Variants in HEATR4 observed in about 807,000 individuals in gnomAD.
HEATR4 encodes the protein HEAT repeat containing 4.
A neutral mutation model predicts 108.8 loss-of-function variants in HEATR4; 95 were observed. That is an observed-to-expected ratio of 0.87 (90% confidence interval 0.74 to 1.04). The LOEUF (loss-of-function observed/expected upper bound fraction) is 1.04, where lower values mean the gene tolerates loss of function less well. Ranked by LOEUF, HEATR4 falls within the 50% of genes least tolerant of loss-of-function variation. The pLI, the probability that HEATR4 is intolerant of heterozygous loss-of-function variation, is 0.00. For missense variants in HEATR4, 1,152 were observed against 1,253.8 expected (o/e 0.92, Z 1.23); for synonymous variants, 443 against 459.4 (o/e 0.96, Z 0.46).
chr14:73,544,251 A>C (rs1185432936), intron 1 of HEATR4, among the ~76,000 whole-genome samples: 1 of 114,932 alleles, frequency 8.7e-6, no homozygotes, highest in Non-Finnish European at 1.9e-5. Flanking sequence ...CTGAGATTGC[A>C]CTACTGCCCT....
In HEATR4 at chr14:73,493,528, T is replaced by TA. The variant is rs1174514203; in HGVS notation, c.2786-405dup. On this transcript the variant is annotated intron_variant, in intron 16 of 17. Transcript: ENST00000553558. ...GTTGTAGCATGTAAAAGGAGCATGT[T>TA]AATCAACCTCTTAAGGAAGAGACTC... 1.6e-5 allele frequency: 3 copies of TA among 193,152 alleles called. No homozygotes were observed. In the East Asian group the frequency reaches 4.6e-4, roughly 30 times the overall value. The allele number at this position is 193,152 out of a possible 1,614,324, so 12.0% of individuals were successfully genotyped here.
chr14:73,602,040 A>C, the HEATR4 span, among the ~76,000 whole-genome samples: 71 of 151,964 alleles, frequency 4.7e-4, no homozygotes, highest in Non-Finnish European at 3.2e-4. Flanking sequence ...TCCTGAGTTC[A>C]AGCGATTCTC....
the HEATR4 span, chr14:73,617,234 G>C: frequency 6.2e-7 from 1 of 1,613,828 alleles, no homozygotes; most frequent in Non-Finnish European, 8.5e-7. Context: ...AGAGGGGATA[G>C]AGCTGATGCA....
rs1885833457 is a variant in HEATR4, at chr14:73,492,435, G to A, written c.2844+631C>T. ...CAGCATTCAGATTCTAAGGATCCGC[G>A]AAGAACCGCTTTCATGGAGAAGGTG... On this transcript the variant is annotated intron_variant, in intron 17 of 17. Coordinates refer to ENST00000553558, the MANE Select transcript of HEATR4 (RefSeq NM_001220484.1). This position sits in a 1 kb window ranked among gnomAD's most constrained non-coding sequence, Gnocchi z 4.9. 3 of 1,613,738 alleles carry A rather than the reference G, an allele frequency of 1.9e-6. No individual in the cohort carries two copies. The highest frequency in any genetic ancestry group is 2.5e-6 in the Non-Finnish European group (3 of 1,179,762).
the HEATR4 span, chr14:73,575,487 G>C: frequency 6.6e-7 from 1 of 1,507,298 alleles, no homozygotes; most frequent in Non-Finnish European, 8.8e-7. Flanking sequence ...GGGTGGCCAC[G>C]AGGGGACAAT....
At chr14:73,482,404 C>T (rs1423091616) in intron 17 of HEATR4, among the ~76,000 whole-genome samples, 1 of 151,978 alleles carries the variant, frequency 6.6e-6, no homozygotes. Context: ...CGATTGTAAT[C>T]CTAGCTACTC....
the HEATR4 span, among the ~76,000 whole-genome samples, chr14:73,592,989 G>A: frequency 6.6e-6 from 1 of 152,220 alleles, no homozygotes; most frequent in South Asian, 2.1e-4. Context: ...ACAGGTTCAG[G>A]TCGTCAGGTA....
the HEATR4 span, among the ~76,000 whole-genome samples, chr14:73,609,395 G>C: frequency 6.6e-6 from 1 of 152,086 alleles, no homozygotes; most frequent in Non-Finnish European, 1.5e-5. Flanking sequence ...TATCACCCCT[G>C]GGTACAAGAA....
chr14:73,594,895 G>C, the HEATR4 span, among the ~76,000 whole-genome samples: 3 of 152,126 alleles, frequency 2.0e-5, no homozygotes, highest in East Asian at 5.8e-4. Flanking sequence ...AATAGAGACA[G>C]GGTTCTGCCA....
At position 73,512,022 on chromosome 14, in the gene HEATR4, G is replaced by A. The variant is rs1887297294; in HGVS notation, c.1542C>T (p.Thr514=). ...TAALERPRIA[T]SQRDSDKTIQ... is the part of the protein sequence containing the mutation. ...GGCTCTCACCTGAGTCTCTCTGGCT[G>A]GTGGCAATCCGGGGCCGTTCCAAAG... The change falls in exon 7 of 18, where the codon ACC becomes ACT. Residue 514 remains threonine, a synonymous_variant. Transcript: ENST00000553558. The A allele has an allele frequency of 6.2e-7, 1 of 1,613,974 alleles. No individual in the cohort carries two copies. Among genetic ancestry groups the A allele is most frequent in the Non-Finnish European group, 8.5e-7 (1 of 1,179,920 alleles).
chr14:73,495,518 G>A, intron 15 of HEATR4, 131 bp from the exon 16 acceptor site: 1 of 701,512 alleles, frequency 1.4e-6, no homozygotes, highest in East Asian at 2.8e-5. Flanking sequence ...AACAGTTCAA[G>A]GCTACAGTGA....
the HEATR4 span, among the ~76,000 whole-genome samples, chr14:73,590,158 A>T: frequency 2.0e-5 from 3 of 152,152 alleles, no homozygotes; most frequent in Admixed American, 6.5e-5. Context: ...GGCCCCACCC[A>T]CATCCTGCTG....
In HEATR4 at chr14:73,520,688, G is replaced by A. The variant is rs141573728; in HGVS notation, c.1069+164C>T. ...CCCTCCCTATTAGTTATCACTCCCCGACCCAACTCCTGTGCTAGTGTGGGT... is the reference window on the plus strand; with the variant it reads ...CCCTCCCTATTAGTTATCACTCCCCAACCCAACTCCTGTGCTAGTGTGGGT... On this transcript the variant is annotated intron_variant, in intron 4 of 17. Coordinates refer to ENST00000553558, the MANE Select transcript of HEATR4 (RefSeq NM_001220484.1). 7.3e-4 allele frequency: 464 copies of A among 633,556 alleles called. 2 individuals are homozygous for A. Among genetic ancestry groups the A allele is most frequent in the Middle Eastern group, 5.3e-3 (12 of 2,256 alleles). The allele number at this position is 633,556 out of a possible 1,614,324, so 39.2% of individuals were successfully genotyped here. A position where few individuals can be genotyped will look rare whatever the true frequency, so the allele number is the denominator to read the frequency against.
the HEATR4 span, among the ~76,000 whole-genome samples, chr14:73,604,869 T>G: frequency 1.3e-5 from 2 of 152,080 alleles, no homozygotes; most frequent in Non-Finnish European, 2.9e-5. Context: ...GTTTCTAAGG[T>G]CTAATAAGCA....
the HEATR4 span, chr14:73,631,672 C>A: frequency 6.2e-6 from 1 of 160,168 alleles, no homozygotes; most frequent in South Asian, 1.7e-4. Flanking sequence ...GAGCCTTATT[C>A]GAATGACGGC....
chr14:73,521,080 A>G, intron 3 of HEATR4, 41 bp from the exon 4 acceptor site: 1 of 1,543,474 alleles, frequency 6.5e-7, no homozygotes, highest in Non-Finnish European at 8.9e-7. Flanking sequence ...GGGAAAGAGT[A>G]GGAGGTGGAT....
In HEATR4 at chr14:73,519,115, A is replaced by T. The variant is rs758502017; in HGVS notation, c.1118T>A (p.Val373Asp). The T allele has an allele frequency of 3.1e-6, 5 of 1,613,952 alleles. No homozygotes were observed. In the South Asian group the frequency reaches 5.5e-5, roughly 18 times the overall value. ...GTTGTACCGATTTAGGTTTTCCAGG[A>T]CAATCTGGTCTCTCTTTGCACCAAT... ...HQIGAKRDQI[V>D]LENLNRYNKQ... The change falls in exon 5 of 18, where the codon GTC becomes GAC. Residue 373 changes from valine (V) to aspartate (D), a missense_variant. By Grantham distance (152) the Val-to-Asp change is radical. Transcript: ENST00000553558.
At chr14:73,520,790 A>G in intron 4 of HEATR4, 62 bp downstream of exon 4, 15 of 1,471,568 alleles carry the variant, frequency 1.0e-5, no homozygotes, top group Non-Finnish European at 1.4e-5. Context: ...GCCCCCAGCA[A>G]TCTTCCACCT....
chr14:73,603,326 C>T, the HEATR4 span, among the ~76,000 whole-genome samples: 1 of 152,088 alleles, frequency 6.6e-6, no homozygotes, highest in Non-Finnish European at 1.5e-5. Context: ...AAGACATTTG[C>T]ATTTTACCAA....
Sources: gnomAD v4.1 joint callset for allele counts (sites outside exome capture counted in the v4.1 genomes callset) on GRCh38, gnomAD v4.1.1 for gene constraint, Gnocchi (gnomAD v3.1) non-coding constraint, MANE v1.5 for transcripts, NCBI Gene and HGNC (gene_info 2026-07-23, HGNC 2026-07-21) for gene names.